EYS: variants seen among roughly 807,000 people sequenced by gnomAD.
EYS encodes protein eyes shut homolog.
A neutral mutation model predicts 282.1 loss-of-function variants in EYS; 250 were observed. That is an observed-to-expected ratio of 0.89 (90% CI 0.80 to 0.98). The LOEUF (loss-of-function observed/expected upper bound fraction) is 0.98. Ranked by LOEUF, EYS falls within the 50% of genes least tolerant of loss-of-function variation. The pLI is 0.00. For missense variants in EYS, 4,016 were observed against 3,709.0 expected (o/e 1.08, Z -2.15); for synonymous variants, 1,355 against 1,282.9 (o/e 1.06, Z -1.20).
intron 12 of EYS, among the ~76,000 whole-genome samples, chr6:65,153,109 G>C (rs964398239): frequency 6.6e-6 from 1 of 151,698 alleles, no homozygotes; most frequent in African/African-American, 2.4e-5. Context: ...ACATAAGATT[G>C]TAACATCCAT....
At chr6:63,841,219 T>C (rs1771948630) in intron 36 of EYS, among the ~76,000 whole-genome samples, 1 of 152,210 alleles carries the variant, frequency 6.6e-6, no homozygotes, top group Non-Finnish European at 1.5e-5. Flanking sequence ...TTTAAAAAGA[T>C]AGTTATTTCA....
intron 9 of EYS, among the ~76,000 whole-genome samples, chr6:65,347,335 C>T (rs1039796421): frequency 8.6e-5 from 13 of 151,694 alleles, no homozygotes; most frequent in African/African-American, 2.9e-4. Context: ...ACTGACTTAC[C>T]TTTCAGCTTT....
chr6:65,422,809 C>CAT (rs143939038), intron 5 of EYS, among the ~76,000 whole-genome samples: 29,788 of 150,086 alleles, frequency 0.2, 3,651 homozygotes, highest in Non-Finnish European at 0.26. Context: ...TATAGAGAGA[C>CAT]ATATATATAT....
rs959995866 is a variant in EYS at position 64,865,414 on chromosome 6, C to T, written c.2992+21283G>A. Among the ~76,000 whole-genome samples the T allele has an allele frequency of 1.2e-4, 19 of 152,098 alleles. No homozygotes were observed. The South Asian group carries it at 1.7e-3, about 13-fold the overall frequency. ...TGTCTAAAGAAGCCAAGTATGTGAA[C>T]GCCATTAGAAATGCACCCCAGGCAT... On this transcript the variant is annotated intron_variant, in intron 19 of 42. Coordinates refer to ENST00000503581, the MANE Select transcript of EYS (RefSeq NM_001142800.2).
intron 29 of EYS, among the ~76,000 whole-genome samples, chr6:64,342,635 G>A (rs1462167080): frequency 6.6e-6 from 1 of 152,002 alleles, no homozygotes; most frequent in African/African-American, 2.4e-5. Context: ...AGACCATAAA[G>A]GCTAGGAAGA....
intron 19 of EYS, among the ~76,000 whole-genome samples, chr6:64,826,690 A>G (rs1221862227): frequency 1.1e-4 from 17 of 148,878 alleles, no homozygotes; most frequent in East Asian, 5.9e-4. Flanking sequence ...ATGTATATAT[A>G]TATATATATA....
intron 33 of EYS, among the ~76,000 whole-genome samples, chr6:64,016,237 T>A (rs1768883814): frequency 6.6e-6 from 1 of 152,200 alleles, no homozygotes; most frequent in African/African-American, 2.4e-5. Context: ...TTATTTACTT[T>A]ATTTAATAAA....
At chr6:65,482,491 G>C (rs1765644458) in intron 5 of EYS, among the ~76,000 whole-genome samples, 1 of 152,110 alleles carries the variant, frequency 6.6e-6, no homozygotes, top group Non-Finnish European at 1.5e-5. Flanking sequence ...CTCAAAATAG[G>C]ATTAAAGTTC....
chr6:65,337,059 A>G (rs1022968893), intron 10 of EYS, among the ~76,000 whole-genome samples: 1 of 151,464 alleles, frequency 6.6e-6, no homozygotes, highest in Non-Finnish European at 1.5e-5. Context: ...AGCAACAAAG[A>G]TTAGGAATTT....
intron 22 of EYS, among the ~76,000 whole-genome samples, chr6:64,751,486 T>C (rs990601886): frequency 2.0e-5 from 3 of 152,128 alleles, no homozygotes; most frequent in African/African-American, 7.2e-5. Flanking sequence ...CACCTGCCTT[T>C]GAGATACCTG....
chr6:64,192,906 C>T (rs1196314731), intron 31 of EYS, among the ~76,000 whole-genome samples: 1 of 152,172 alleles, frequency 6.6e-6, no homozygotes, highest in East Asian at 1.9e-4. Flanking sequence ...TCTTTACTGC[C>T]AACTCTTCAA....
At chr6:64,538,020 C>T (rs1040532452) in intron 26 of EYS, among the ~76,000 whole-genome samples, 2 of 152,052 alleles carry the variant, frequency 1.3e-5, no homozygotes, top group African/African-American at 4.8e-5. Context: ...CAGGTCTATA[C>T]CATAGATGTC....
intron 26 of EYS, among the ~76,000 whole-genome samples, chr6:64,442,323 G>A (rs886129789): frequency 1.3e-5 from 2 of 152,176 alleles, no homozygotes; most frequent in Non-Finnish European, 2.9e-5. Flanking sequence ...ACATTCAAGA[G>A]GTGACTTGGG....
At chr6:64,691,296 A>G (rs1389161971) in intron 22 of EYS, among the ~76,000 whole-genome samples, 1 of 152,184 alleles carries the variant, frequency 6.6e-6, no homozygotes, top group Non-Finnish European at 1.5e-5. Context: ...AGTCTTAGTC[A>G]GTATAAACCA....
chr6:64,390,650 T>A (rs999995566), intron 28 of EYS, among the ~76,000 whole-genome samples: 5 of 149,104 alleles, frequency 3.4e-5, no homozygotes, highest in Admixed American at 6.7e-5. Flanking sequence ...AGACCAAAAG[T>A]AGATAAAACC....
At chr6:63,836,227 C>G (rs1051972658) in intron 36 of EYS, among the ~76,000 whole-genome samples, 2 of 151,954 alleles carry the variant, frequency 1.3e-5, no homozygotes, top group African/African-American at 4.8e-5. Context: ...CATGGATGAA[C>G]TTTGAAAGTA....
intron 29 of EYS, among the ~76,000 whole-genome samples, chr6:64,342,554 T>C (rs1224275858): frequency 6.6e-6 from 1 of 151,724 alleles, no homozygotes; most frequent in African/African-American, 2.4e-5. Flanking sequence ...CTAAAAGAGC[T>C]CCTGAAGGAA....
rs116030727 is a variant in EYS at position 64,824,563 on chromosome 6, A to G, written c.2993-1741T>C. 1.9e-3 allele frequency among the ~76,000 whole-genome samples: 293 copies of G among 152,064 alleles called. 1 individual carries two copies. The highest frequency in any genetic ancestry group is 6.7e-3 in the African/African-American group (279 of 41,538). ...AGACACCACCATTCTAACTAGGAAGATAAGTGAAAAGTCTCCGTATCACTA... is the reference window on the plus strand; with the variant it reads ...AGACACCACCATTCTAACTAGGAAGGTAAGTGAAAAGTCTCCGTATCACTA... On this transcript the variant is annotated intron_variant, in intron 19 of 42. Transcript: ENST00000503581.
chr6:64,192,363 G>A (rs1193519817), intron 31 of EYS, among the ~76,000 whole-genome samples: 2 of 152,090 alleles, frequency 1.3e-5, no homozygotes, highest in Non-Finnish European at 1.5e-5. Flanking sequence ...TTTGGCTTTT[G>A]TTGCCATTGC....
Sources: allele counts gnomAD v4.1 joint callset (sites outside exome capture counted in the v4.1 genomes callset), GRCh38; gene constraint gnomAD v4.1.1; transcripts MANE v1.5; gene names NCBI Gene and HGNC (gene_info 2026-07-23, HGNC 2026-07-21).